Variants in RELN observed in about 807,000 individuals in gnomAD.
The protein encoded by RELN is reelin.
A neutral mutation model predicts 427.6 loss-of-function variants in RELN; 108 were observed. That is an observed-to-expected ratio of 0.25 (90% CI 0.22 to 0.30). The LOEUF (loss-of-function observed/expected upper bound fraction) is 0.30, where lower values mean the gene tolerates loss of function less well. RELN is among the 10% of genes least tolerant of loss of function. The probability of loss-of-function intolerance (pLI) is 1.00; values close to 1 mark genes in which losing one functional copy is unlikely to be tolerated. For missense variants in RELN, 3,715 were observed against 4,302.8 expected (o/e 0.86, Z 3.82); for synonymous variants, 1,524 against 1,513.4 (o/e 1.01, Z -0.16).
rs148169812 is a variant in RELN at position 103,849,285 on chromosome 7, C to T, written c.338-15613G>A. On this transcript the variant is annotated intron_variant, in intron 2 of 64. Coordinates refer to ENST00000428762, the MANE Select transcript of RELN (RefSeq NM_005045.4). ...ACTTTCCCCACTCCGGTCAACCGATCACCAGGTCTTTCTTATTATATCTTA... is the reference window on the plus strand; with the variant it reads ...ACTTTCCCCACTCCGGTCAACCGATTACCAGGTCTTTCTTATTATATCTTA... Among the ~76,000 whole-genome samples the T allele has an allele frequency of 3.2e-4, 48 of 149,654 alleles. No individual in the cohort carries two copies. The East Asian group carries it at 9.1e-3, about 28-fold the overall frequency.
Position 103,917,071 on chromosome 7 carries a change from T to C in RELN, c.337+4A>G, listed in dbSNP as rs1326392159. On this transcript the variant is annotated splice_donor_region_variant and intron_variant, in intron 2 of 64. Coordinates refer to ENST00000428762, the MANE Select transcript of RELN (RefSeq NM_005045.4). ...CAAATTTCTGGTTTGTGAGAATAGC[T>C]TACCAAATCCGAAAGCACTGGAACC... 6.2e-7 allele frequency: 1 copy of C among 1,610,650 alleles called. No homozygotes were observed. Among genetic ancestry groups the C allele is most frequent in the Non-Finnish European group, 8.5e-7 (1 of 1,177,108 alleles).
At chr7:103,961,220 T>A (rs1246817439) in intron 1 of RELN, among the ~76,000 whole-genome samples, 1 of 152,182 alleles carries the variant, frequency 6.6e-6, no homozygotes. Context: ...TAGGTCCTAA[T>A]GAAAAACCCA....
chr7:103,685,024 G>C (rs1165456480), intron 10 of RELN, among the ~76,000 whole-genome samples: 1 of 152,060 alleles, frequency 6.6e-6, no homozygotes, highest in Non-Finnish European at 1.5e-5. Context: ...CATCTTCAGG[G>C]CAGACTGAAT....
intron 1 of RELN, among the ~76,000 whole-genome samples, chr7:103,918,728 T>C (rs1035382563): frequency 7.9e-5 from 12 of 152,150 alleles, no homozygotes; most frequent in Non-Finnish European, 1.6e-4. Context: ...AAGTATGTTA[T>C]GAATCCTAGA....
At chr7:103,594,969 T>A (rs1831504713) in intron 25 of RELN, among the ~76,000 whole-genome samples, 1 of 152,220 alleles carries the variant, frequency 6.6e-6, no homozygotes, top group Non-Finnish European at 1.5e-5. Flanking sequence ...TTGATGTATC[T>A]CTTCACAGCT....
chr7:103,536,430 G>A (rs1487801485), intron 45 of RELN, among the ~76,000 whole-genome samples: 1 of 152,100 alleles, frequency 6.6e-6, no homozygotes, highest in African/African-American at 2.4e-5. Flanking sequence ...AAATCACCTG[G>A]ATACCTTTAG....
intron 19 of RELN, among the ~76,000 whole-genome samples, chr7:103,631,823 T>C (rs1562931534): frequency 6.6e-6 from 1 of 152,052 alleles, no homozygotes; most frequent in Non-Finnish European, 1.5e-5. Context: ...ATAAACTATA[T>C]TTAAACTGGT....
At chr7:103,923,204 C>T (rs1180552259) in intron 1 of RELN, among the ~76,000 whole-genome samples, 1 of 152,126 alleles carries the variant, frequency 6.6e-6, no homozygotes, top group Non-Finnish European at 1.5e-5. Flanking sequence ...AAGAAATAAA[C>T]TGAGCATATT....
intron 62 of RELN, 81 bp from the exon 63 acceptor site, chr7:103,483,052 TTATAA>T: frequency 2.9e-6 from 3 of 1,044,064 alleles, no homozygotes; most frequent in South Asian, 1.3e-5. Context: ...ATGTCAAATA[TTATAA>T]TAGGCTAATC....
At chr7:103,730,216 C>T (rs1045872932) in intron 6 of RELN, among the ~76,000 whole-genome samples, 1 of 152,034 alleles carries the variant, frequency 6.6e-6, no homozygotes, top group African/African-American at 2.4e-5. Flanking sequence ...AAATTTGAGG[C>T]CTGCTGTTTG....
intron 7 of RELN, among the ~76,000 whole-genome samples, chr7:103,724,281 C>G (rs568330932): frequency 7.1e-4 from 108 of 151,972 alleles, no homozygotes; most frequent in Non-Finnish European, 1.4e-3. Flanking sequence ...ACTTTGTTAG[C>G]CCTTATATGA....
At chr7:103,627,469 G>T (rs1832353338) in intron 20 of RELN, among the ~76,000 whole-genome samples, 1 of 152,018 alleles carries the variant, frequency 6.6e-6, no homozygotes, top group African/African-American at 2.4e-5. Flanking sequence ...ACTAAAAGGG[G>T]TTTATTCTGA....
intron 6 of RELN, among the ~76,000 whole-genome samples, chr7:103,728,754 G>A (rs577761509): frequency 2.6e-4 from 39 of 152,264 alleles, no homozygotes; most frequent in African/African-American, 3.9e-4. Flanking sequence ...TAATGTAAAT[G>A]TTTAAAATGA....
intron 45 of RELN, among the ~76,000 whole-genome samples, chr7:103,536,989 A>G (rs1238883356): frequency 1.3e-5 from 2 of 152,202 alleles, no homozygotes; most frequent in African/African-American, 4.8e-5. Flanking sequence ...TTTCACTTGA[A>G]TTAAGAAAAA....
chr7:103,846,897 C>T (rs1055589779), intron 2 of RELN, among the ~76,000 whole-genome samples: 7 of 152,076 alleles, frequency 4.6e-5, no homozygotes, highest in Admixed American at 2.6e-4. Context: ...GTTAGAACGG[C>T]GATCATTAAA....
chr7:103,683,076 A>C (rs1268922763), intron 10 of RELN, among the ~76,000 whole-genome samples: 2 of 152,192 alleles, frequency 1.3e-5, no homozygotes, highest in Non-Finnish European at 2.9e-5. Context: ...GGGGCTGGGC[A>C]TGGGAAGCTA....
intron 2 of RELN, among the ~76,000 whole-genome samples, chr7:103,848,683 T>C (rs1193108355): frequency 6.6e-6 from 1 of 152,114 alleles, no homozygotes; most frequent in African/African-American, 2.4e-5. Flanking sequence ...GAAGGAACTA[T>C]GGGAATTGTA....
At chr7:103,659,671 A>G (rs1479085718) in intron 12 of RELN, among the ~76,000 whole-genome samples, 4 of 152,104 alleles carry the variant, frequency 2.6e-5, no homozygotes, top group East Asian at 3.9e-4. Flanking sequence ...ATTTCATTCC[A>G]TTACAGCACA....
At chr7:103,568,706 T>C (rs997631016) in intron 31 of RELN, among the ~76,000 whole-genome samples, 8 of 152,186 alleles carry the variant, frequency 5.3e-5, no homozygotes, top group Admixed American at 6.5e-5. Flanking sequence ...CACTTCAAAA[T>C]TCAGGTTTTC....
Sources: allele counts gnomAD v4.1 joint callset (sites outside exome capture counted in the v4.1 genomes callset), GRCh38; gene constraint gnomAD v4.1.1; transcripts MANE v1.5; gene names NCBI Gene and HGNC (gene_info 2026-07-23, HGNC 2026-07-21).